Variants in ARHGAP24 observed in about 807,000 individuals in gnomAD.
ARHGAP24 encodes the protein Rho GTPase activating protein 24, also known as rho GTPase-activating protein 24.
A neutral mutation model predicts 76.4 loss-of-function variants in ARHGAP24; 50 were observed. That is an observed-to-expected ratio of 0.65 (90% CI 0.52 to 0.83). The LOEUF is 0.83. ARHGAP24 is among the 40% of genes least tolerant of loss of function. The pLI, the probability that ARHGAP24 is intolerant of heterozygous loss-of-function variation, is 0.00. For synonymous variants in ARHGAP24, 345 were observed against 323.3 expected, an observed-to-expected ratio of 1.07 and a Z score of -0.72; for missense variants, 930 against 914.2, an observed-to-expected ratio of 1.02 and a Z score of -0.22.
chr4:85,742,377 T>G (rs1166815226), intron 3 of ARHGAP24, among the ~76,000 whole-genome samples: 2 of 152,224 alleles, frequency 1.3e-5, no homozygotes, highest in East Asian at 3.8e-4. Flanking sequence ...ACTAATTAAC[T>G]CAGCCTGTCT....
intron 1 of ARHGAP24, among the ~76,000 whole-genome samples, chr4:85,501,290 G>A (rs991120424): frequency 6.6e-6 from 1 of 152,172 alleles, no homozygotes; most frequent in African/African-American, 2.4e-5. Context: ...GATCTTTGAG[G>A]AATTGCCACA....
At chr4:85,870,615 C>T (rs768130211) in intron 3 of ARHGAP24, among the ~76,000 whole-genome samples, 5 of 152,080 alleles carry the variant, frequency 3.3e-5, no homozygotes, top group African/African-American at 4.8e-5. Flanking sequence ...TGGGGTGATA[C>T]GAACATACGA....
At chr4:85,979,230 G>A (rs908922345) in intron 8 of ARHGAP24, among the ~76,000 whole-genome samples, 1 of 151,970 alleles carries the variant, frequency 6.6e-6, no homozygotes, top group Non-Finnish European at 1.5e-5. Flanking sequence ...CTCTCTTTTT[G>A]TGAACTTAAT....
intron 2 of ARHGAP24, among the ~76,000 whole-genome samples, chr4:85,690,400 G>T (rs973482386): frequency 6.6e-6 from 1 of 152,138 alleles, no homozygotes; most frequent in African/African-American, 2.4e-5. Flanking sequence ...GTTCGTTCTT[G>T]TATGCCTGGT....
intron 2 of ARHGAP24, among the ~76,000 whole-genome samples, chr4:85,662,155 T>C (rs545498911): frequency 2.3e-3 from 357 of 152,274 alleles, no homozygotes; most frequent in African/African-American, 8.4e-3. Flanking sequence ...TGTTCCTATT[T>C]CTCCACATCC....
chr4:85,781,544 T>G (rs1727554600), intron 3 of ARHGAP24, among the ~76,000 whole-genome samples: 1 of 147,978 alleles, frequency 6.8e-6, no homozygotes, highest in African/African-American at 2.5e-5. Flanking sequence ...TGAAGACTTT[T>G]GTATTAGAAG....
chr4:85,723,098 C>A (rs1725017275), intron 3 of ARHGAP24, among the ~76,000 whole-genome samples: 1 of 152,096 alleles, frequency 6.6e-6, no homozygotes, highest in Non-Finnish European at 1.5e-5. Flanking sequence ...TATTAAAATC[C>A]TTTTATTCTT....
chr4:85,763,143 G>C (rs1726797016), intron 3 of ARHGAP24, among the ~76,000 whole-genome samples: 1 of 152,144 alleles, frequency 6.6e-6, no homozygotes, highest in South Asian at 2.1e-4. Flanking sequence ...ACTATTCGAA[G>C]TGAAATAATT....
At chr4:85,679,462 C>T (rs1392662178) in intron 2 of ARHGAP24, among the ~76,000 whole-genome samples, 1 of 152,110 alleles carries the variant, frequency 6.6e-6, no homozygotes. Context: ...TTTCCTTTGA[C>T]ATCCACTGTG....
At chr4:85,628,219 C>T (rs949257019) in intron 2 of ARHGAP24, among the ~76,000 whole-genome samples, 24 of 152,150 alleles carry the variant, frequency 1.6e-4, no homozygotes, top group African/African-American at 5.5e-4. Flanking sequence ...ATCTTGGCTC[C>T]TCCCCCTTAA....
chr4:85,587,286 G>T (rs1043607907), intron 2 of ARHGAP24, among the ~76,000 whole-genome samples: 4 of 152,156 alleles, frequency 2.6e-5, no homozygotes, highest in African/African-American at 9.7e-5. Flanking sequence ...ATAAAGAGAA[G>T]GCCGAATGAT....
chr4:85,515,613 A>G (rs888797932), intron 1 of ARHGAP24, among the ~76,000 whole-genome samples: 2 of 151,394 alleles, frequency 1.3e-5, no homozygotes, highest in Non-Finnish European at 2.9e-5. Flanking sequence ...TGTTTCCAGA[A>G]CTCTTCCTAG....
intron 1 of ARHGAP24, among the ~76,000 whole-genome samples, chr4:85,499,378 G>A (rs1376088812): frequency 6.6e-6 from 1 of 152,180 alleles, no homozygotes; most frequent in East Asian, 1.9e-4. Flanking sequence ...TCATTCAGAA[G>A]ATAGCATATA....
intron 8 of ARHGAP24, among the ~76,000 whole-genome samples, chr4:85,993,535 C>G (rs1443093795): frequency 6.6e-6 from 1 of 152,038 alleles, no homozygotes; most frequent in Non-Finnish European, 1.5e-5. Flanking sequence ...CAGGTGTCAC[C>G]GGAAGCTAAA....
chr4:85,710,216 A>G (rs1027354616), intron 2 of ARHGAP24, among the ~76,000 whole-genome samples: 1 of 152,158 alleles, frequency 6.6e-6, no homozygotes, highest in African/African-American at 2.4e-5. Flanking sequence ...ACGTACAACC[A>G]TCTGATTTTC....
At chr4:85,580,882 T>A (rs1442469609) in intron 2 of ARHGAP24, among the ~76,000 whole-genome samples, 2 of 152,328 alleles carry the variant, frequency 1.3e-5, no homozygotes, top group Non-Finnish European at 2.9e-5. Context: ...TAGTACCTCT[T>A]CATTTTAGCT....
intron 2 of ARHGAP24, among the ~76,000 whole-genome samples, chr4:85,645,942 G>C (rs916871422): frequency 6.6e-6 from 1 of 151,818 alleles, no homozygotes; most frequent in Non-Finnish European, 1.5e-5. Flanking sequence ...ATAGATGTTA[G>C]TTCTATCTCA....
rs992225023 is a variant in ARHGAP24 at position 86,002,207 on chromosome 4, T to G, written c.*1485T>G. ...TGTTTGAAGGTTCAATGCTTGCATGTGTTTATTTATTTTCAAGAGGGAAAG... is the reference window on the plus strand; with the variant it reads ...TGTTTGAAGGTTCAATGCTTGCATGGGTTTATTTATTTTCAAGAGGGAAAG... On this transcript the variant is annotated 3_prime_UTR_variant, in exon 10 of 10. Transcript: ENST00000395184. 1 of 152,334 alleles carries G rather than the reference T, an allele frequency of 6.6e-6. No individual in the cohort carries two copies. Among genetic ancestry groups the G allele is most frequent in the South Asian group, 2.1e-4 (1 of 4,822 alleles). The allele number at this position is 152,334 out of a possible 1,614,324, so 9.4% of individuals were successfully genotyped here. A position where few individuals can be genotyped will look rare whatever the true frequency, so the allele number is the denominator to read the frequency against.
chr4:85,566,617 A>G (rs1469113101), intron 1 of ARHGAP24, among the ~76,000 whole-genome samples: 1 of 152,208 alleles, frequency 6.6e-6, no homozygotes, highest in African/African-American at 2.4e-5. Flanking sequence ...CCATCTGTTG[A>G]TTCAACAGGT....
Sources: gnomAD v4.1 joint callset for allele counts (sites outside exome capture counted in the v4.1 genomes callset) on GRCh38, gnomAD v4.1.1 for gene constraint, MANE v1.5 for transcripts, NCBI Gene and HGNC (gene_info 2026-07-23, HGNC 2026-07-21) for gene names.